VASH2: variants seen among roughly 807,000 people sequenced by gnomAD.
VASH2 encodes vasohibin 2.
VASH2 carries 28 observed loss-of-function variants against 37.2 expected under a neutral mutation model. The ratio of observed to expected loss-of-function variants is 0.75; its 90% CI spans 0.56 to 1.03. The LOEUF (loss-of-function observed/expected upper bound fraction) is 1.03, where lower values mean the gene tolerates loss of function less well. Ranked by LOEUF, VASH2 falls within the 50% of genes least tolerant of loss-of-function variation. The probability of loss-of-function intolerance (pLI) is 0.00; values close to 1 mark genes in which losing one functional copy is unlikely to be tolerated. For synonymous variants in VASH2, 188 were observed against 174.7 expected (o/e 1.08, Z -0.60); for missense variants, 419 against 459.1 (o/e 0.91, Z 0.80).
chr1:212,965,697 C>T, intron 3 of VASH2, 25 bp from the exon 4 acceptor site: 3 of 1,544,968 alleles, frequency 1.9e-6, no homozygotes, highest in Non-Finnish European at 1.8e-6. Context: ...TTTTCTGTCA[C>T]TTTCCCTTTA....
At chr1:212,977,176 T>C (rs1667201942) in intron 7 of VASH2, among the ~76,000 whole-genome samples, 1 of 74,176 alleles carries the variant, frequency 1.3e-5, no homozygotes, top group African/African-American at 7.4e-5. Flanking sequence ...CTGATGGAGC[T>C]GATGCAGGCC....
chr1:212,971,707 G>A lies in VASH2; in HGVS notation c.498-873G>A, dbSNP rs939306465. Among the ~76,000 whole-genome samples, 1 of 152,140 alleles carries A rather than the reference G, an allele frequency of 6.6e-6. No homozygotes were observed. The highest frequency in any genetic ancestry group is 1.5e-5 in the Non-Finnish European group (1 of 68,024). On this transcript the variant is annotated intron_variant, in intron 5 of 7. Coordinates refer to ENST00000517399, the MANE Select transcript of VASH2 (RefSeq NM_001301056.2). This position sits in a 1 kb window ranked among gnomAD's most constrained non-coding sequence, Gnocchi z 4.0. The stretch of plus-strand genomic sequence containing the variant: ...GAGTGGAGGCATCCGTGATTAAACC[G>A]AGAGCAGAGGACAAGGCTGCCGCCA...
chr1:212,984,011 C>T (rs967683096), intron 7 of VASH2, among the ~76,000 whole-genome samples: 4 of 152,152 alleles, frequency 2.6e-5, no homozygotes, highest in African/African-American at 4.8e-5. Context: ...GTATCAACCC[C>T]GTGGGTTATG....
chr1:212,981,188 G>A (rs186189130), intron 7 of VASH2, among the ~76,000 whole-genome samples: 1 of 152,342 alleles, frequency 6.6e-6, no homozygotes, highest in East Asian at 1.9e-4. Flanking sequence ...TCCTGCCTGG[G>A]GAGGGCTCAA....
At chr1:212,961,065 G>T (rs71634696) in intron 2 of VASH2, 101 bp from the exon 3 acceptor site, 79,015 of 1,134,422 alleles carry the variant, frequency 0.07, 3,196 homozygotes, top group Middle Eastern at 0.1. Context: ...GCTCTCAGGA[G>T]CACCTCTCTC....
chr1:212,987,695 A>G (rs1401283281), intron 7 of VASH2, among the ~76,000 whole-genome samples: 1 of 152,260 alleles, frequency 6.6e-6, no homozygotes, highest in Non-Finnish European at 1.5e-5. Context: ...TGAATATCCT[A>G]AACTTGATTC....
intron 3 of VASH2, 21 bp from the exon 4 acceptor site, chr1:212,965,701 C>T (rs1321364479): frequency 6.5e-7 from 1 of 1,546,902 alleles, no homozygotes; most frequent in South Asian, 1.2e-5. Flanking sequence ...CTGTCACTTT[C>T]CCTTTACATA....
At position 212,953,209 on chromosome 1, in the gene VASH2, C is replaced by G. The variant is rs139488260; in HGVS notation, c.276+1391C>G. On this transcript the variant is annotated intron_variant, in intron 2 of 7. Coordinates refer to ENST00000517399, the MANE Select transcript of VASH2 (RefSeq NM_001301056.2). ...CTCTAATTGTGCTTTTATCCTTCCT[C>G]CAACCATGTATGCGGGTGCGCGGGG... 2.0e-5 allele frequency among the ~76,000 whole-genome samples: 3 copies of G among 147,988 alleles called. No homozygotes were observed. In the East Asian group the frequency reaches 6.0e-4, roughly 30 times the overall value.
intron 7 of VASH2, among the ~76,000 whole-genome samples, chr1:212,987,089 T>A (rs1667500075): frequency 6.6e-6 from 1 of 152,092 alleles, no homozygotes; most frequent in South Asian, 2.1e-4. Flanking sequence ...CAGAGATTAA[T>A]GCCATTCACT....
intron 2 of VASH2, among the ~76,000 whole-genome samples, chr1:212,957,662 C>T (rs376949505): frequency 1.3e-5 from 2 of 149,850 alleles, no homozygotes; most frequent in East Asian, 2.0e-4. Context: ...CTGACACCCA[C>T]GCTGGAGTGC....
chr1:212,976,202 G>C (rs1667163787), intron 7 of VASH2, among the ~76,000 whole-genome samples: 1 of 152,132 alleles, frequency 6.6e-6, no homozygotes, highest in African/African-American at 2.4e-5. Flanking sequence ...GAGGAAGCTG[G>C]GGGATAAAAG....
chr1:212,981,549 A>G (rs1333822000), intron 7 of VASH2, among the ~76,000 whole-genome samples: 1 of 152,220 alleles, frequency 6.6e-6, no homozygotes, highest in African/African-American at 2.4e-5. Context: ...ATGCTGGGCC[A>G]AGAGCACCCC....
intron 7 of VASH2, 135 bp from the exon 8 acceptor site, chr1:212,988,377 G>A: frequency 4.8e-6 from 4 of 829,410 alleles, no homozygotes; most frequent in Non-Finnish European, 5.9e-6. Flanking sequence ...AGCTAAGGCT[G>A]GCAGGGTGGG....
chr1:212,985,695 G>T (rs907560011), intron 7 of VASH2, among the ~76,000 whole-genome samples: 4 of 152,096 alleles, frequency 2.6e-5, no homozygotes, highest in Admixed American at 6.5e-5. Flanking sequence ...TGGATTACAG[G>T]CCTAAGCCAC....
intron 5 of VASH2, 56 bp downstream of exon 5, chr1:212,966,401 G>C: frequency 7.0e-7 from 1 of 1,429,616 alleles, no homozygotes; most frequent in African/African-American, 1.4e-5. Flanking sequence ...CTTCACAATG[G>C]GGCTTGTTGT....
intron 6 of VASH2, chr1:212,973,662 A>C (rs1242910620): frequency 8.0e-7 from 1 of 1,242,738 alleles, no homozygotes; most frequent in Non-Finnish European, 1.0e-6. Flanking sequence ...AAACAAACAC[A>C]GCCCCGGGGA....
chr1:212,951,649 G>C lies in VASH2; in HGVS notation c.107G>C (p.Gly36Ala). 1 of 1,586,192 alleles carries C rather than the reference G, an allele frequency of 6.3e-7. No individual in the cohort carries two copies. Residue 36 changes from glycine (G) to alanine (A), a missense_variant, in exon 2 of 8, where the codon GGG becomes GCG. Coordinates refer to ENST00000517399, the MANE Select transcript of VASH2 (RefSeq NM_001301056.2). The surrounding 1 kb of genome is among the most constrained non-coding windows in gnomAD (Gnocchi z 4.4). ...CGGCCCGTGAGCCTCGCCACCAGCGGGGGCTCAGAGGAGGAGGACAAAGAC... is the reference window on the plus strand; with the variant it reads ...CGGCCCGTGAGCCTCGCCACCAGCGCGGGCTCAGAGGAGGAGGACAAAGAC... ...HARPVSLATS[G>A]GSEEEDKDGG...
rs2075826655 is a variant in VASH2 at position 212,988,962 on chromosome 1, T to C, written c.*378T>C. The C allele has an allele frequency of 4.9e-6, 1 of 204,988 alleles. No individual in the cohort carries two copies. Among genetic ancestry groups the C allele is most frequent in the African/African-American group, 2.3e-5 (1 of 43,834 alleles). 12.7% of individuals were successfully genotyped at this position (204,988 alleles called of 1,614,324 possible). A position where few individuals can be genotyped will look rare whatever the true frequency, so the allele number is the denominator to read the frequency against. On this transcript the variant is annotated 3_prime_UTR_variant, in exon 8 of 8. Coordinates refer to ENST00000517399, the MANE Select transcript of VASH2 (RefSeq NM_001301056.2). ...AACTTTTGGTATAGTAAGGTAACTCTAACAGTATTACTGTCTTTTTCAGCA... is the reference window on the plus strand; with the variant it reads ...AACTTTTGGTATAGTAAGGTAACTCCAACAGTATTACTGTCTTTTTCAGCA...
intron 2 of VASH2, among the ~76,000 whole-genome samples, chr1:212,959,704 A>G (rs183287095): frequency 6.6e-6 from 1 of 152,340 alleles, no homozygotes; most frequent in African/African-American, 2.4e-5. Context: ...TGGCGCCTGG[A>G]GAGTCAGGGA....
Sources: allele counts gnomAD v4.1 joint callset (sites outside exome capture counted in the v4.1 genomes callset), GRCh38; gene constraint gnomAD v4.1.1; non-coding constraint Gnocchi (gnomAD v3.1); transcripts MANE v1.5; gene names NCBI Gene and HGNC (gene_info 2026-07-23, HGNC 2026-07-21).